The following TRPM1 variants were observed in gnomAD, a reference collection of about 807,000 sequenced individuals.
TRPM1 encodes transient receptor potential cation channel subfamily M member 1, also known as TRPM1-203 APA Isoform, Intron 10.
A neutral mutation model predicts 149.4 loss-of-function variants in TRPM1; 113 were observed. The observed-to-expected ratio is 0.76, with a 90% confidence interval of 0.65 to 0.88. TRPM1 has a LOEUF of 0.88. TRPM1 is among the 40% of genes least tolerant of loss of function. The pLI is 0.00. For synonymous variants in TRPM1, 741 were observed against 759.5 expected (o/e 0.98, Z 0.40); for missense variants, 1,976 against 2,038.7 (o/e 0.97, Z 0.59).
intron 19 of TRPM1, 60 bp from the exon 20 acceptor site, chr15:31,037,902 C>G (rs2140924066): frequency 6.2e-7 from 1 of 1,613,384 alleles, no homozygotes; most frequent in Admixed American, 1.7e-5. Context: ...GCAAGGCACT[C>G]CGGCACACAG....
rs755307698 is a variant in TRPM1 at position 31,067,901 on chromosome 15, G to T, written c.471C>A (p.Ile157=). 1.4e-5 allele frequency: 22 copies of T among 1,613,276 alleles called. No individual in the cohort carries two copies. Among genetic ancestry groups the T allele is most frequent in the Non-Finnish European group, 1.6e-5 (19 of 1,179,976 alleles). ...IKAAMTTGAW[I]FTGGVSTGVI... ...TACCTGTGCTGACACCCCCGGTGAA[G>T]ATCCAGGCCCCGGTGGTCATAGCAG... Residue 157 remains isoleucine, a synonymous_variant, in exon 5 of 28, where the codon ATC becomes ATA. Transcript: ENST00000256552.
intron 1 of TRPM1, among the ~76,000 whole-genome samples, chr15:31,090,084 C>T (rs937032214): frequency 2.0e-5 from 3 of 152,016 alleles, no homozygotes; most frequent in South Asian, 4.2e-4. Flanking sequence ...ATCTTTTTTT[C>T]CTCTGCAACC....
At chr15:31,037,991 A>G in intron 19 of TRPM1, 53 bp downstream of exon 19, 1 of 1,613,698 alleles carries the variant, frequency 6.2e-7, no homozygotes, top group Middle Eastern at 1.7e-4. Context: ...AAATCTCAAC[A>G]ATTTTGAAAA....
At chr15:31,062,499 A>C (rs2034259160) in intron 9 of TRPM1, 80 bp downstream of exon 9, 1 of 1,566,640 alleles carries the variant, frequency 6.4e-7, no homozygotes, top group African/African-American at 1.4e-5. Context: ...TAACCCTGTC[A>C]TGCACACATG....
At chr15:31,049,139 C>T (rs76553847) in intron 13 of TRPM1, among the ~76,000 whole-genome samples, 3,348 of 152,214 alleles carry the variant, frequency 0.022, 48 homozygotes, top group Middle Eastern at 0.085. Context: ...CCCTTAAATG[C>T]GGGACAAGAG....
intron 1 of TRPM1, among the ~76,000 whole-genome samples, chr15:31,088,440 C>T (rs1292730043): frequency 6.6e-6 from 1 of 152,208 alleles, no homozygotes; most frequent in Non-Finnish European, 1.5e-5. Context: ...AGAGCTGTAA[C>T]ACTGACTGTA....
Position 31,057,235 on chromosome 15 carries a change from C to T in TRPM1, c.1263+3309G>A, listed in dbSNP as rs149060939. 2.1e-3 allele frequency among the ~76,000 whole-genome samples: 326 copies of T among 152,222 alleles called. 2 individuals carry two copies. The highest frequency in any genetic ancestry group is 7.1e-3 in the African/African-American group (295 of 41,526). On this transcript the variant is annotated intron_variant, in intron 11 of 27. Transcript: ENST00000256552. The stretch of plus-strand genomic sequence containing the variant: ...TAAAAAAGAACAAGATTATGTCCTT[C>T]GCAGGGACATGGATGGAGATGGAGG...
chr15:31,141,226 A>G (rs1240813368), intron 1 of TRPM1, among the ~76,000 whole-genome samples: 1 of 152,200 alleles, frequency 6.6e-6, no homozygotes, highest in East Asian at 1.9e-4. Context: ...ACATATTTTT[A>G]TAAATTATAA....
chr15:31,020,040 C>T (rs1172638924), intron 27 of TRPM1, among the ~76,000 whole-genome samples: 1 of 152,238 alleles, frequency 6.6e-6, no homozygotes, highest in Admixed American at 6.5e-5. Context: ...ACTAAAAGAA[C>T]ATTAAGCTTT....
intron 27 of TRPM1, among the ~76,000 whole-genome samples, chr15:31,006,416 G>A (rs1393796347): frequency 6.6e-6 from 1 of 152,194 alleles, no homozygotes; most frequent in African/African-American, 2.4e-5. Context: ...GACCTCAGGT[G>A]ATCCACCTGC....
chr15:31,104,858 T>C (rs2141018912), upstream of TRPM1, among the ~76,000 whole-genome samples: 1 of 152,264 alleles, frequency 6.6e-6, no homozygotes, highest in South Asian at 2.1e-4. Flanking sequence ...CCTCCCAAAG[T>C]GCTGGGATTA....
At chr15:31,007,084 T>C (rs879824034) in intron 27 of TRPM1, among the ~76,000 whole-genome samples, 3 of 152,212 alleles carry the variant, frequency 2.0e-5, no homozygotes, top group Non-Finnish European at 4.4e-5. Flanking sequence ...CCTTTGTCTA[T>C]TCCCAAGTTG....
chr15:31,069,841 G>T, intron 4 of TRPM1, 190 bp downstream of exon 4: 1 of 1,549,024 alleles, frequency 6.5e-7, no homozygotes, highest in Non-Finnish European at 8.6e-7. Flanking sequence ...CTTTACAGTG[G>T]TGTCCAGTTT....
At chr15:31,116,755 A>G (rs2035802656) in intron 1 of TRPM1, among the ~76,000 whole-genome samples, 1 of 151,296 alleles carries the variant, frequency 6.6e-6, no homozygotes, top group South Asian at 2.1e-4. Context: ...GGGAACCCAA[A>G]GATAACAGAG....
intron 1 of TRPM1, among the ~76,000 whole-genome samples, chr15:31,122,384 G>C (rs1409586667): frequency 6.6e-6 from 1 of 152,150 alleles, no homozygotes; most frequent in Non-Finnish European, 1.5e-5. Context: ...GGAAAGGAAG[G>C]AATAAAACTG....
intron 3 of TRPM1, among the ~76,000 whole-genome samples, chr15:31,075,862 G>A (rs776909206): frequency 2.6e-5 from 4 of 151,914 alleles, no homozygotes; most frequent in African/African-American, 7.3e-5. Context: ...GGGTTTAAAC[G>A]GTTGGTTTTT....
chr15:31,152,015 T>C (rs1047387462), intron 1 of TRPM1, among the ~76,000 whole-genome samples: 2 of 152,178 alleles, frequency 1.3e-5, no homozygotes, highest in Non-Finnish European at 2.9e-5. Flanking sequence ...CAGCAAGCTC[T>C]AGAGAGGGGG....
chr15:31,119,079 A>C (rs2035841118), intron 1 of TRPM1, among the ~76,000 whole-genome samples: 1 of 152,036 alleles, frequency 6.6e-6, no homozygotes, highest in African/African-American at 2.4e-5. Context: ...GTCTCTACTA[A>C]AAATACAAAA....
intron 1 of TRPM1, among the ~76,000 whole-genome samples, chr15:31,126,764 G>C (rs1010599875): frequency 4.6e-5 from 7 of 152,152 alleles, no homozygotes; most frequent in African/African-American, 1.7e-4. Flanking sequence ...AGGAGTTCGA[G>C]ACCAGCCTGG....
Sources: gnomAD v4.1 joint callset for allele counts (sites outside exome capture counted in the v4.1 genomes callset) on GRCh38, gnomAD v4.1.1 for gene constraint, MANE v1.5 for transcripts, NCBI Gene and HGNC (gene_info 2026-07-23, HGNC 2026-07-21) for gene names.